The following CNTN1 variants were observed in gnomAD, a reference collection of about 807,000 sequenced individuals.
CNTN1 encodes the protein contactin-1.
In CNTN1, 38 loss-of-function variants were observed where a neutral mutation model predicts 126.4. The ratio of observed to expected loss-of-function variants is 0.30; its 90% CI spans 0.23 to 0.39. The LOEUF (loss-of-function observed/expected upper bound fraction) is 0.39. Ranked by LOEUF, CNTN1 falls within the 10% of genes least tolerant of loss-of-function variation. The pLI, the probability that CNTN1 is intolerant of heterozygous loss-of-function variation, is 1.00. For synonymous variants in CNTN1, 413 were observed against 422.6 expected (o/e 0.98, Z 0.28); for missense variants, 1,009 against 1,248.4 (o/e 0.81, Z 2.89).
intron 23 of CNTN1, among the ~76,000 whole-genome samples, chr12:41,039,140 G>T (rs1797981): frequency 0.63 from 95,648 of 152,016 alleles, 31,466 homozygotes; most frequent in African/African-American, 0.83. Flanking sequence ...CATTGAACCA[G>T]TTTAAGGTGG....
chr12:40,936,952 A>T, intron 10 of CNTN1, 47 bp downstream of exon 10: 1 of 1,609,184 alleles, frequency 6.2e-7, no homozygotes, highest in East Asian at 2.2e-5. Flanking sequence ...CTGTTCAAGC[A>T]GTGTTTCAGG....
chr12:40,981,387 G>A (rs372450587), intron 16 of CNTN1, among the ~76,000 whole-genome samples: 110 of 152,076 alleles, frequency 7.2e-4, no homozygotes, highest in African/African-American at 2.5e-3. Context: ...GTCTATTTTT[G>A]AGCAAATAGC....
At chr12:40,868,499 A>G (rs1377580659) in intron 1 of CNTN1, among the ~76,000 whole-genome samples, 3 of 152,160 alleles carry the variant, frequency 2.0e-5, no homozygotes. Flanking sequence ...TAAAGTCTAC[A>G]AAAGGGTAAT....
chr12:41,066,253 T>C (rs1270463901), intron 23 of CNTN1, among the ~76,000 whole-genome samples: 2 of 152,212 alleles, frequency 1.3e-5, no homozygotes, highest in Non-Finnish European at 2.9e-5. Context: ...AAAGTAATCA[T>C]AGGAAGGTAT....
rs1488399766 is a variant in CNTN1 at position 41,025,297 on chromosome 12, C to T, written c.2671C>T (p.Pro891Ser). 3 of 1,613,452 alleles carry T rather than the reference C, an allele frequency of 1.9e-6. No individual in the cohort carries two copies. In the Admixed American group the frequency reaches 5.0e-5, roughly 27 times the overall value. Residue 891 changes from proline to serine, a missense_variant, in exon 21 of 24, where the codon CCT (proline) becomes TCT (serine). Physicochemically the swap from Pro to Ser is moderately conservative, Grantham distance 74 (BLOSUM62 -1). Coordinates refer to ENST00000551295, the MANE Select transcript of CNTN1 (RefSeq NM_001843.4). The stretch of plus-strand genomic sequence containing the variant: ...GGCCTGCAATAGTGCAGGGTGTGGA[C>T]CTCCAAGTGACATGATTGAGGCTTT... The part of the protein sequence containing the change: ...VGACNSAGCG[P>S]PSDMIEAFTK...
chr12:40,723,125 C>T (rs929003033), intron 1 of CNTN1, among the ~76,000 whole-genome samples: 4 of 152,104 alleles, frequency 2.6e-5, no homozygotes, highest in East Asian at 3.9e-4. Flanking sequence ...CATGTACTGG[C>T]GGGAGCCTGG....
intron 1 of CNTN1, among the ~76,000 whole-genome samples, chr12:40,842,022 G>T (rs961181480): frequency 2.0e-5 from 3 of 151,314 alleles, no homozygotes; most frequent in Non-Finnish European, 3.0e-5. Flanking sequence ...TAAATAAAAA[G>T]ATATTTTTAA....
intron 1 of CNTN1, among the ~76,000 whole-genome samples, chr12:40,774,351 G>A (rs907031281): frequency 2.6e-5 from 4 of 151,626 alleles, no homozygotes; most frequent in African/African-American, 7.2e-5. Flanking sequence ...AGGCAGTCAC[G>A]ATTGTGATGT....
chr12:40,886,391 A>G (rs904191906), intron 1 of CNTN1, among the ~76,000 whole-genome samples: 1 of 152,132 alleles, frequency 6.6e-6, no homozygotes, highest in South Asian at 2.1e-4. Flanking sequence ...GAGATGTTAT[A>G]TAACCTTCAT....
At chr12:40,870,107 T>C (rs1943433639) in intron 1 of CNTN1, among the ~76,000 whole-genome samples, 1 of 152,048 alleles carries the variant, frequency 6.6e-6, no homozygotes, top group African/African-American at 2.4e-5. Context: ...AGATGTGCCT[T>C]CACCTTCCAC....
At position 40,918,731 on chromosome 12, in the gene CNTN1, C is replaced by T. The variant is rs1945331736; in HGVS notation, c.187C>T (p.Leu63Phe). 2 of 1,613,622 alleles carry T rather than the reference C, an allele frequency of 1.2e-6. No individual in the cohort carries two copies. Among genetic ancestry groups the T allele is most frequent in the African/African-American group, 1.3e-5 (1 of 74,890 alleles). ...PEESLEGKVS[L>F]NCRARASPFP... ...GGAATCACTGGAAGGAAAAGTCTCA[C>T]TCAACTGTAGGGCACGAGCCAGCCC... Residue 63 changes from leucine (L) to phenylalanine (F), a missense_variant, in exon 4 of 24, where the codon CTC (leucine) becomes TTC (phenylalanine). By Grantham distance (22) the Leu-to-Phe change is conservative (BLOSUM62 0). Coordinates refer to ENST00000551295, the MANE Select transcript of CNTN1 (RefSeq NM_001843.4).
intron 1 of CNTN1, among the ~76,000 whole-genome samples, chr12:40,802,115 G>C (rs1940680630): frequency 6.6e-6 from 1 of 151,962 alleles, no homozygotes; most frequent in African/African-American, 2.4e-5. Flanking sequence ...GGAAAATATT[G>C]AGAGTTCAGT....
intron 1 of CNTN1, among the ~76,000 whole-genome samples, chr12:40,736,987 G>T (rs1053305290): frequency 6.6e-6 from 1 of 151,802 alleles, no homozygotes; most frequent in Admixed American, 6.6e-5. Flanking sequence ...AATCCTACAC[G>T]AAATCAGTAT....
intron 1 of CNTN1, among the ~76,000 whole-genome samples, chr12:40,820,827 CT>C (rs1333144916): frequency 6.6e-6 from 1 of 152,194 alleles, no homozygotes; most frequent in African/African-American, 2.4e-5. Flanking sequence ...GTGTGCCATT[CT>C]TCCCAGTGAT....
chr12:40,832,948 C>T (rs1941903630), intron 1 of CNTN1, among the ~76,000 whole-genome samples: 1 of 152,150 alleles, frequency 6.6e-6, no homozygotes, highest in African/African-American at 2.4e-5. Context: ...TGGTGAAAAC[C>T]ACACAGTTCC....
At chr12:40,698,794 TA>T (rs1941519872) in intron 1 of CNTN1, among the ~76,000 whole-genome samples, 1 of 152,180 alleles carries the variant, frequency 6.6e-6, no homozygotes, top group African/African-American at 2.4e-5. Flanking sequence ...AGTCCTTTAT[TA>T]AATGGTACGT....
At chr12:40,940,652 A>G (rs1327572953) in intron 12 of CNTN1, among the ~76,000 whole-genome samples, 1 of 152,154 alleles carries the variant, frequency 6.6e-6, no homozygotes, top group Non-Finnish European at 1.5e-5. Context: ...ATAAATTGAG[A>G]ATATGCCAGC....
chr12:40,841,905 T>C (rs1008086601), intron 1 of CNTN1, among the ~76,000 whole-genome samples: 8 of 152,072 alleles, frequency 5.3e-5, no homozygotes, highest in Admixed American at 1.3e-4. Flanking sequence ...CTATTCCACA[T>C]AGGATTGATA....
intron 1 of CNTN1, among the ~76,000 whole-genome samples, chr12:40,773,680 TATATATATATATACAC>T (rs1271739511): frequency 6.2e-3 from 55 of 8,818 alleles, no homozygotes; most frequent in Middle Eastern, 0.038. Flanking sequence ...TATACACATA[TATATATATATATACAC>T]ATATATATAT....
Sources: allele counts gnomAD v4.1 joint callset (sites outside exome capture counted in the v4.1 genomes callset), GRCh38; gene constraint gnomAD v4.1.1; transcripts MANE v1.5; gene names NCBI Gene and HGNC (gene_info 2026-07-23, HGNC 2026-07-21).